The following SGCD variants were observed in gnomAD, a reference collection of about 807,000 sequenced individuals.
SGCD encodes delta-sarcoglycan.
A neutral mutation model predicts 36.6 loss-of-function variants in SGCD; 18 were observed. The ratio of observed to expected loss-of-function variants is 0.49; its 90% CI spans 0.34 to 0.73. SGCD has a LOEUF of 0.73. Ranked by LOEUF, SGCD falls within the 30% of genes least tolerant of loss-of-function variation. The pLI is 0.01. For missense variants in SGCD, 387 were observed against 346.7 expected (o/e 1.12, Z -0.92); for synonymous variants, 133 against 130.6 (o/e 1.02, Z -0.12).
chr5:155,749,121 A>T, the SGCD span, among the ~76,000 whole-genome samples: 1 of 152,194 alleles, frequency 6.6e-6, no homozygotes, highest in African/African-American at 2.4e-5. Flanking sequence ...TAAGTGATAG[A>T]TGTTACTGTC....
chr5:156,110,790 G>A (rs1266102365), intron 1 of SGCD, among the ~76,000 whole-genome samples: 2 of 152,074 alleles, frequency 1.3e-5, no homozygotes, highest in Non-Finnish European at 2.9e-5. Context: ...TCAGAAACTG[G>A]AAGTTGTCAT....
At chr5:156,278,731 TG>T (rs1309358900) in intron 3 of SGCD, among the ~76,000 whole-genome samples, 1 of 152,214 alleles carries the variant, frequency 6.6e-6, no homozygotes, top group Admixed American at 6.5e-5. Flanking sequence ...AACTGCAGGA[TG>T]CGCTATATAA....
At chr5:156,748,854 G>A (rs530378266) in intron 7 of SGCD, among the ~76,000 whole-genome samples, 1 of 152,236 alleles carries the variant, frequency 6.6e-6, no homozygotes, top group South Asian at 2.1e-4. Flanking sequence ...GTGCAGTGGT[G>A]TGATTTCAGC....
At chr5:156,133,571 T>G (rs1477573553) in intron 3 of SGCD, among the ~76,000 whole-genome samples, 1 of 152,176 alleles carries the variant, frequency 6.6e-6, no homozygotes, top group Non-Finnish European at 1.5e-5. Context: ...TTAAAATGCA[T>G]GTAATGGGCC....
intron 3 of SGCD, among the ~76,000 whole-genome samples, chr5:156,370,341 C>G (rs549795663): frequency 4.3e-4 from 66 of 152,152 alleles, no homozygotes; most frequent in Non-Finnish European, 6.2e-4. Context: ...AGGAGAATTC[C>G]CTGTATACCA....
chr5:155,912,214 C>G (rs941322747), intron 1 of SGCD, among the ~76,000 whole-genome samples: 1 of 151,968 alleles, frequency 6.6e-6, no homozygotes, highest in Non-Finnish European at 1.5e-5. Context: ...TGGAACCCCA[C>G]GTGTGCTCAA....
intron 4 of SGCD, among the ~76,000 whole-genome samples, chr5:156,579,678 G>A (rs781368687): frequency 6.6e-6 from 1 of 152,044 alleles, no homozygotes; most frequent in East Asian, 1.9e-4. Context: ...GACCTTCTTT[G>A]TCTCTTTTAT....
At chr5:156,498,208 G>C (rs959592985) in intron 3 of SGCD, among the ~76,000 whole-genome samples, 1 of 144,454 alleles carries the variant, frequency 6.9e-6, no homozygotes, top group Non-Finnish European at 1.5e-5. Flanking sequence ...GCACGTCATA[G>C]CATGTCTCTT....
chr5:156,310,965 G>A (rs547816753), intron 3 of SGCD, among the ~76,000 whole-genome samples: 1 of 152,298 alleles, frequency 6.6e-6, no homozygotes, highest in African/African-American at 2.4e-5. Flanking sequence ...GAAGTGTCTT[G>A]TAGTGTCAAC....
intron 2 of SGCD, among the ~76,000 whole-genome samples, chr5:156,336,873 T>C (rs1445315075): frequency 6.6e-6 from 1 of 152,252 alleles, no homozygotes; most frequent in East Asian, 1.9e-4. Flanking sequence ...ATATTTTAGC[T>C]AAGAATTGGA....
chr5:156,390,195 G>C (rs894211468), intron 3 of SGCD, among the ~76,000 whole-genome samples: 2 of 141,706 alleles, frequency 1.4e-5, no homozygotes, highest in African/African-American at 5.4e-5. Flanking sequence ...TTATTTTAGA[G>C]TCTATGCCTT....
At position 156,760,014 on chromosome 5, in the gene SGCD, T is replaced by G. The variant is rs1391536701; in HGVS notation, c.*624T>G. 1.3e-5 allele frequency: 2 copies of G among 151,994 alleles called. No homozygotes were observed. The highest frequency in any genetic ancestry group is 1.5e-5 in the Non-Finnish European group (1 of 68,028). 9.4% of individuals were successfully genotyped at this position (151,994 alleles called of 1,614,324 possible). On this transcript the variant is annotated 3_prime_UTR_variant, in exon 9 of 9. Coordinates refer to ENST00000337851, the MANE Select transcript of SGCD (RefSeq NM_000337.6). Reference sequence around the variant, plus strand: ...ACCTTGGCTACCAGACATATTGGGGTTTTTGTAGTTGAATGAATGAGGAGG... The same window carrying G: ...ACCTTGGCTACCAGACATATTGGGGGTTTTGTAGTTGAATGAATGAGGAGG...
At chr5:156,263,730 A>G (rs540674625) in intron 3 of SGCD, among the ~76,000 whole-genome samples, 1 of 152,280 alleles carries the variant, frequency 6.6e-6, no homozygotes, top group African/African-American at 2.4e-5. Context: ...TTCAGGTCTT[A>G]GATTTAAGTC....
intron 4 of SGCD, among the ~76,000 whole-genome samples, chr5:156,575,741 T>G (rs534685470): frequency 4.9e-4 from 70 of 143,858 alleles, no homozygotes; most frequent in Middle Eastern, 3.6e-3. Context: ...CCCATTAACA[T>G]GTACTTTAAG....
At chr5:156,269,689 C>A (rs144084020) in intron 3 of SGCD, among the ~76,000 whole-genome samples, 1 of 151,914 alleles carries the variant, frequency 6.6e-6, no homozygotes, top group African/African-American at 2.4e-5. Context: ...CTTTGCATGT[C>A]CATTGCTCAC....
chr5:156,027,838 A>G (rs1044595719), intron 1 of SGCD, among the ~76,000 whole-genome samples: 2 of 152,186 alleles, frequency 1.3e-5, no homozygotes, highest in African/African-American at 4.8e-5. Flanking sequence ...TAATGTTAAG[A>G]TTAAGGCACT....
chr5:156,642,675 G>C (rs1301702600), intron 6 of SGCD, among the ~76,000 whole-genome samples: 1 of 151,616 alleles, frequency 6.6e-6, no homozygotes, highest in Non-Finnish European at 1.5e-5. Context: ...CATCATGTTG[G>C]CCAGGGTGGT....
chr5:156,498,851 C>T (rs1249935403), intron 3 of SGCD, among the ~76,000 whole-genome samples: 1 of 152,018 alleles, frequency 6.6e-6, no homozygotes, highest in Non-Finnish European at 1.5e-5. Flanking sequence ...GGCCCTTTTC[C>T]AAAGTGACTG....
At chr5:156,566,266 AC>A (rs1759475360) in intron 4 of SGCD, among the ~76,000 whole-genome samples, 1 of 152,214 alleles carries the variant, frequency 6.6e-6, no homozygotes, top group African/African-American at 2.4e-5. Context: ...TTTTAAAAAA[AC>A]ATGTCTACCA....
Sources: gnomAD v4.1 joint callset for allele counts (sites outside exome capture counted in the v4.1 genomes callset) on GRCh38, gnomAD v4.1.1 for gene constraint, MANE v1.5 for transcripts, NCBI Gene and HGNC (gene_info 2026-07-23, HGNC 2026-07-21) for gene names.